APPBP2: variants seen among roughly 807,000 people sequenced by gnomAD.
The protein encoded by APPBP2 is amyloid beta precursor protein binding protein 2.
In APPBP2, 15 loss-of-function variants were observed where a neutral mutation model predicts 76.0. That is an observed-to-expected ratio of 0.20 (90% confidence interval 0.13 to 0.30). The LOEUF (loss-of-function observed/expected upper bound fraction) is 0.30, where lower values mean the gene tolerates loss of function less well. Among genes scored for constraint, APPBP2 ranks in the 10% least tolerant of loss-of-function variants. The pLI, the probability that APPBP2 is intolerant of heterozygous loss-of-function variation, is 1.00. For missense variants in APPBP2, 401 were observed against 687.2 expected, an observed-to-expected ratio of 0.58 and a Z score of 4.66; for synonymous variants, 222 against 242.2, an observed-to-expected ratio of 0.92 and a Z score of 0.77.
At position 60,468,362 on chromosome 17, in the gene APPBP2, T is replaced by C. The variant is rs377370111; in HGVS notation, c.504-1903A>G. ...ATTAGTATTTGAAACACAGATTTGA[T>C]AGCCAAATGGTTGAAAGAGAAAAAA... is the stretch of plus-strand genomic sequence containing the variant. On this transcript the variant is annotated intron_variant, in intron 4 of 12. Coordinates refer to ENST00000083182, the MANE Select transcript of APPBP2 (RefSeq NM_006380.5). 4 of 152,164 alleles carry C rather than the reference T, an allele frequency of 2.6e-5. No individual in the cohort carries two copies. In the South Asian group the frequency reaches 8.3e-4, roughly 32 times the overall value. The allele number at this position is 152,164 out of a possible 1,614,324, so 9.4% of individuals were successfully genotyped here.
intron 12 of APPBP2, among the ~76,000 whole-genome samples, chr17:60,450,879 G>A (rs553465930): frequency 6.6e-6 from 1 of 152,132 alleles, no homozygotes; most frequent in Non-Finnish European, 1.5e-5. Flanking sequence ...TATGACACAT[G>A]TAACCAACGA....
chr17:60,479,081 G>C lies in APPBP2; in HGVS notation c.503+67C>G. ...CTCAAATGTTGGCATATACTTATAA[G>C]AGCTAAAACTATAAAAGCCACTAAA... is the stretch of plus-strand genomic sequence containing the variant. On this transcript the variant is annotated intron_variant, in intron 4 of 12. Transcript: ENST00000083182. 5 of 1,486,830 alleles carry C rather than the reference G, an allele frequency of 3.4e-6. No individual in the cohort carries two copies. The South Asian group carries it at 6.4e-5, about 19-fold the overall frequency. The allele number at this position is 1,486,830 out of a possible 1,614,324, so 92.1% of individuals were successfully genotyped here. A position where few individuals can be genotyped will look rare whatever the true frequency, so the allele number is the denominator to read the frequency against.
intron 1 of APPBP2, among the ~76,000 whole-genome samples, chr17:60,517,822 G>A (rs138747562): frequency 1.3e-5 from 2 of 152,110 alleles, no homozygotes; most frequent in East Asian, 1.9e-4. Flanking sequence ...TTTCTTCATC[G>A]TCATGATTAC....
At chr17:60,525,155 C>CAGTT (rs988446455) in intron 1 of APPBP2, among the ~76,000 whole-genome samples, 1 of 152,208 alleles carries the variant, frequency 6.6e-6, no homozygotes, top group Non-Finnish European at 1.5e-5. Context: ...CCTCTTCAAA[C>CAGTT]AGTTGATCAG....
At chr17:60,498,037 G>A (rs1311001453) in intron 2 of APPBP2, among the ~76,000 whole-genome samples, 1 of 151,892 alleles carries the variant, frequency 6.6e-6, no homozygotes, top group Non-Finnish European at 1.5e-5. Context: ...CTACTTGGGA[G>A]TATCACCTGA....
intron 12 of APPBP2, among the ~76,000 whole-genome samples, chr17:60,449,822 T>G (rs73326404): frequency 0.082 from 12,474 of 151,940 alleles, 1,697 homozygotes; most frequent in African/African-American, 0.28. Flanking sequence ...TTTGGAGACG[T>G]AGTCTTGCTC....
chr17:60,513,155 T>C, intron 1 of APPBP2: 2 of 316,604 alleles, frequency 6.3e-6, no homozygotes, highest in Non-Finnish European at 1.2e-5. Flanking sequence ...ATTTCAGTAT[T>C]TGCTACAGTA....
At chr17:60,475,515 T>C (rs1034104050) in intron 4 of APPBP2, among the ~76,000 whole-genome samples, 1 of 152,154 alleles carries the variant, frequency 6.6e-6, no homozygotes, top group Non-Finnish European at 1.5e-5. Context: ...CCCTTCAAAC[T>C]GGTGAGGTAC....
At chr17:60,460,549 C>T in intron 9 of APPBP2, 114 bp downstream of exon 9, 1 of 1,065,514 alleles carries the variant, frequency 9.4e-7, no homozygotes, top group Non-Finnish European at 1.3e-6. Flanking sequence ...CAAGTTCAAT[C>T]CATAAAGTAT....
rs7218315 is a variant in APPBP2, at chr17:60,474,176, T to C, written c.503+4972A>G. 4.8e-3 allele frequency among the ~76,000 whole-genome samples: 734 copies of C among 151,422 alleles called. 2 individuals are homozygous for C. Among genetic ancestry groups the C allele is most frequent in the Non-Finnish European group, 8.1e-3 (550 of 67,922 alleles). ...AATCTGTTAAATTTCATTTTTTTTT[T>C]ATTTTTTTTTTTTGAGACAGAGTTT... On this transcript the variant is annotated intron_variant, in intron 4 of 12. Coordinates refer to ENST00000083182, the MANE Select transcript of APPBP2 (RefSeq NM_006380.5).
intron 9 of APPBP2, among the ~76,000 whole-genome samples, chr17:60,456,822 C>A (rs1009831755): frequency 5.3e-5 from 8 of 152,086 alleles, no homozygotes; most frequent in African/African-American, 1.9e-4. Context: ...CCAGAACAGA[C>A]CACATAAAAG....
chr17:60,449,357 C>T (rs925729983), intron 12 of APPBP2, among the ~76,000 whole-genome samples: 1 of 152,088 alleles, frequency 6.6e-6, no homozygotes, highest in Non-Finnish European at 1.5e-5. Context: ...TTTGGGAGGC[C>T]CAGGCGGGCA....
chr17:60,472,881 A>G (rs1158761906), intron 4 of APPBP2, among the ~76,000 whole-genome samples: 1 of 152,196 alleles, frequency 6.6e-6, no homozygotes, highest in African/African-American at 2.4e-5. Context: ...TTTGCTACAC[A>G]TAGGTTTATG....
intron 1 of APPBP2, among the ~76,000 whole-genome samples, chr17:60,502,996 T>C (rs181792870): frequency 4.0e-4 from 59 of 145,964 alleles, no homozygotes; most frequent in East Asian, 3.9e-4. Flanking sequence ...TATTTGATAT[T>C]TGGCTGTTTA....
chr17:60,497,460 A>G (rs2090785766), intron 2 of APPBP2, among the ~76,000 whole-genome samples: 1 of 152,216 alleles, frequency 6.6e-6, no homozygotes, highest in Non-Finnish European at 1.5e-5. Flanking sequence ...AGTAAAAAAT[A>G]ATTTAGTTCT....
intron 8 of APPBP2, 81 bp from the exon 9 acceptor site, chr17:60,460,868 A>G: frequency 1.4e-6 from 2 of 1,424,382 alleles, no homozygotes; most frequent in South Asian, 1.4e-5. Flanking sequence ...ATTTAAATAT[A>G]TATCTATATG....
At chr17:60,451,787 G>A (rs2090397281) in intron 12 of APPBP2, 93 bp downstream of exon 12, 1 of 1,185,474 alleles carries the variant, frequency 8.4e-7, no homozygotes, top group Non-Finnish European at 1.2e-6. Context: ...CCCCATTTAA[G>A]TCTTTAATAA....
At chr17:60,522,139 T>C (rs797006240) in intron 1 of APPBP2, among the ~76,000 whole-genome samples, 2 of 152,130 alleles carry the variant, frequency 1.3e-5, no homozygotes, top group Non-Finnish European at 2.9e-5. Flanking sequence ...TGTGTAGGGT[T>C]CTGATTTTTA....
At chr17:60,495,325 C>T (rs1218757362) in intron 2 of APPBP2, among the ~76,000 whole-genome samples, 1 of 151,436 alleles carries the variant, frequency 6.6e-6, no homozygotes, top group Non-Finnish European at 1.5e-5. Flanking sequence ...TATATAAATG[C>T]CAATAAACAC....
Sources: gnomAD v4.1 joint callset for allele counts (sites outside exome capture counted in the v4.1 genomes callset) on GRCh38, gnomAD v4.1.1 for gene constraint, MANE v1.5 for transcripts, NCBI Gene and HGNC (gene_info 2026-07-23, HGNC 2026-07-21) for gene names.